SGK3: variants seen among roughly 807,000 people sequenced by gnomAD.
SGK3 encodes the protein serine/threonine-protein kinase Sgk3.
Under a neutral mutation model 68.5 loss-of-function variants are expected in SGK3, and 47 were observed. The ratio of observed to expected loss-of-function variants is 0.69; its 90% CI spans 0.54 to 0.87. The LOEUF (loss-of-function observed/expected upper bound fraction) is 0.87. Among genes scored for constraint, SGK3 ranks in the 40% least tolerant of loss-of-function variants. The probability of loss-of-function intolerance (pLI) is 0.00; values close to 1 mark genes in which losing one functional copy is unlikely to be tolerated. For synonymous variants in SGK3, 181 were observed against 189.1 expected, an observed-to-expected ratio of 0.96 and a Z score of 0.35; for missense variants, 479 against 575.5, an observed-to-expected ratio of 0.83 and a Z score of 1.72.
chr8:66,857,664 C>A (rs982279504), intron 16 of SGK3, among the ~76,000 whole-genome samples: 1 of 151,944 alleles, frequency 6.6e-6, no homozygotes, highest in Non-Finnish European at 1.5e-5. Flanking sequence ...GCCTGTGGTC[C>A]CAGCTACTTG....
chr8:66,750,688 C>CA (rs978365694), intron 1 of SGK3, among the ~76,000 whole-genome samples: 50 of 140,514 alleles, frequency 3.6e-4, no homozygotes, highest in African/African-American at 9.2e-4. Context: ...GATTCCATCT[C>CA]AAAAAAAAAA....
Position 66,845,266 on chromosome 8 carries a change from G to A in SGK3, c.1074+1719G>A, listed in dbSNP as rs115965337. On this transcript the variant is annotated intron_variant, in intron 14 of 16. Coordinates refer to ENST00000521198, the MANE Select transcript of SGK3 (RefSeq NM_001033578.3). ...ATACAAAAACTAGCCTGGCACAGTG[G>A]CATGCCCCTGTAATCCCAGATACTT... 8.1e-3 allele frequency among the ~76,000 whole-genome samples: 1,236 copies of A among 152,126 alleles called. 14 individuals carry two copies. The highest frequency in any genetic ancestry group is 0.028 in the African/African-American group (1,163 of 41,502).
chr8:66,849,397 A>G (rs1810169557), intron 15 of SGK3, among the ~76,000 whole-genome samples: 1 of 152,166 alleles, frequency 6.6e-6, no homozygotes, highest in African/African-American at 2.4e-5. Context: ...CCTTACTTCC[A>G]TATTCAACAA....
chr8:66,857,918 A>G (rs898194761), intron 16 of SGK3, among the ~76,000 whole-genome samples: 1 of 151,676 alleles, frequency 6.6e-6, no homozygotes, highest in African/African-American at 2.4e-5. Context: ...CTAAGCAGCC[A>G]TCATGCTTAA....
chr8:66,716,210 G>C (rs1381700025), intron 1 of SGK3, among the ~76,000 whole-genome samples: 1 of 152,086 alleles, frequency 6.6e-6, no homozygotes, highest in Non-Finnish European at 1.5e-5. Flanking sequence ...CCCCTGCCCA[G>C]TATCATGGAG....
intron 4 of SGK3, among the ~76,000 whole-genome samples, chr8:66,807,646 T>C (rs1041931730): frequency 1.3e-5 from 2 of 152,208 alleles, no homozygotes; most frequent in African/African-American, 4.8e-5. Context: ...CATTTGGTTA[T>C]ACTTTGGGGA....
intron 2 of SGK3, among the ~76,000 whole-genome samples, chr8:66,795,978 T>C (rs1807665252): frequency 1.3e-5 from 2 of 152,224 alleles, no homozygotes; most frequent in African/African-American, 4.8e-5. Context: ...GGAATTCAAA[T>C]AAGTATTTGT....
Position 66,756,174 on chromosome 8 carries a change from G to A in SGK3, c.-121-37442G>A, listed in dbSNP as rs1005373110. 3.3e-5 allele frequency among the ~76,000 whole-genome samples: 5 copies of A among 152,132 alleles called. No individual in the cohort carries two copies. The East Asian group carries it at 7.7e-4, about 23-fold the overall frequency. ...AGATGCTGTGAGGACACAGGGAGAA[G>A]GCAGCCGTCTACAAGCCAAGGAGAG... On this transcript the variant is annotated intron_variant, in intron 1 of 16. Transcript: ENST00000521198.
Position 66,840,886 on chromosome 8 carries a change from G to A in SGK3, c.892-138G>A, listed in dbSNP as rs557420296. On this transcript the variant is annotated intron_variant, in intron 12 of 16. Transcript: ENST00000521198. ...GAACCCAGGAGGCAGAGGTTGCAGT[G>A]AGCCGAGATCACACCACTGCACTCC... 1.7e-4 allele frequency: 74 copies of A among 434,422 alleles called. No homozygotes were observed. In the East Asian group the frequency reaches 2.2e-3, roughly 13 times the overall value. The allele number at this position is 434,422 out of a possible 1,614,324, so 26.9% of individuals were successfully genotyped here. A position where few individuals can be genotyped will look rare whatever the true frequency, so the allele number is the denominator to read the frequency against.
chr8:66,788,542 G>A (rs1807303168), intron 1 of SGK3, among the ~76,000 whole-genome samples: 1 of 152,190 alleles, frequency 6.6e-6, no homozygotes, highest in Non-Finnish European at 1.5e-5. Context: ...AGGCTCAAGG[G>A]TTAGGGCAGC....
intron 1 of SGK3, among the ~76,000 whole-genome samples, chr8:66,752,596 G>C (rs1212731574): frequency 6.6e-6 from 1 of 152,026 alleles, no homozygotes; most frequent in South Asian, 2.1e-4. Flanking sequence ...GAAAAACTGG[G>C]GGGGTGGGGG....
intron 1 of SGK3, chr8:66,790,798 C>T (rs1019989017): frequency 1.3e-5 from 2 of 152,020 alleles, no homozygotes; most frequent in African/African-American, 2.4e-5. Flanking sequence ...TGAGCACTCT[C>T]CACCTGCACT....
chr8:66,767,764 AG>A (rs1224175861), intron 1 of SGK3: 1 of 1,577,562 alleles, frequency 6.3e-7, no homozygotes, highest in East Asian at 2.2e-5. Flanking sequence ...TTTTTGTTTG[AG>A]GGGTCCATTG....
chr8:66,806,165 A>G (rs928695566), intron 4 of SGK3, among the ~76,000 whole-genome samples: 2 of 151,522 alleles, frequency 1.3e-5, no homozygotes, highest in African/African-American at 4.9e-5. Flanking sequence ...CCCTGGTTAC[A>G]TACAGAGTTT....
chr8:66,786,925 CTTTTTTTTTTTTTTTTTT>C (rs71249407), intron 1 of SGK3, among the ~76,000 whole-genome samples: 3 of 48,684 alleles, frequency 6.2e-5, no homozygotes, highest in Admixed American at 3.2e-4. Context: ...TTTTCTCTGT[CTTTTTTTTTTTTTTTTTT>C]TTTTTTTTTT....
chr8:66,791,170 T>C (rs1007905109), intron 1 of SGK3, among the ~76,000 whole-genome samples: 3 of 152,124 alleles, frequency 2.0e-5, no homozygotes, highest in African/African-American at 7.2e-5. Context: ...TGGGCTTAGG[T>C]AGATAAACCA....
chr8:66,732,464 G>A (rs1805186645), intron 1 of SGK3, among the ~76,000 whole-genome samples: 1 of 151,420 alleles, frequency 6.6e-6, no homozygotes, highest in Non-Finnish European at 1.5e-5. Flanking sequence ...CTCCAGCCTG[G>A]GTGACAGTAC....
chr8:66,826,591 G>A (rs1809065122), intron 6 of SGK3, among the ~76,000 whole-genome samples: 1 of 152,026 alleles, frequency 6.6e-6, no homozygotes, highest in African/African-American at 2.4e-5. Context: ...AATTTGAATT[G>A]TAACTACAAC....
At chr8:66,849,901 T>C (rs1427241798) in intron 15 of SGK3, among the ~76,000 whole-genome samples, 1 of 152,152 alleles carries the variant, frequency 6.6e-6, no homozygotes, top group Non-Finnish European at 1.5e-5. Flanking sequence ...TTAAAAAACA[T>C]TTCTCACCAA....
Sources: allele counts gnomAD v4.1 joint callset (sites outside exome capture counted in the v4.1 genomes callset), GRCh38; gene constraint gnomAD v4.1.1; transcripts MANE v1.5; gene names NCBI Gene and HGNC (gene_info 2026-07-23, HGNC 2026-07-21).